Variants in ANO2 observed in about 807,000 individuals in gnomAD.
ANO2 encodes anoctamin 2, also known as anoctamin-2.
A neutral mutation model predicts 124.2 loss-of-function variants in ANO2; 101 were observed. The ratio of observed to expected loss-of-function variants is 0.81; its 90% CI spans 0.69 to 0.96. The LOEUF is 0.96. ANO2 is among the 40% of genes least tolerant of loss of function. ANO2 has a pLI of 0.00. For synonymous variants in ANO2, 486 were observed against 482.5 expected, an observed-to-expected ratio of 1.01 and a Z score of -0.09; for missense variants, 1,293 against 1,274.5, an observed-to-expected ratio of 1.01 and a Z score of -0.22.
intron 1 of ANO2, among the ~76,000 whole-genome samples, chr12:5,942,152 T>C (rs11063947): frequency 0.23 from 34,679 of 152,160 alleles, 4,427 homozygotes; most frequent in Middle Eastern, 0.33. Flanking sequence ...CTGCTCCAAA[T>C]AGACTACTAG....
intron 3 of ANO2, among the ~76,000 whole-genome samples, chr12:5,905,300 C>A (rs1018628717): frequency 1.3e-5 from 2 of 152,160 alleles, no homozygotes; most frequent in African/African-American, 4.8e-5. Context: ...GCTGGGATGA[C>A]CCTGATCAAG....
intron 3 of ANO2, chr12:5,858,800 T>TC (rs1386390626): frequency 6.6e-6 from 1 of 152,186 alleles, no homozygotes; most frequent in Non-Finnish European, 1.5e-5. Flanking sequence ...ATCTGAAACT[T>TC]CTTCTGTATT....
chr12:5,828,185 G>C (rs528211075), intron 6 of ANO2, among the ~76,000 whole-genome samples: 4 of 152,314 alleles, frequency 2.6e-5, no homozygotes, highest in South Asian at 4.1e-4. Flanking sequence ...CTGTGGAGTA[G>C]GGCACAGTGT....
chr12:5,818,591 G>C (rs2137195208), intron 7 of ANO2, among the ~76,000 whole-genome samples: 1 of 150,760 alleles, frequency 6.6e-6, no homozygotes, highest in South Asian at 2.1e-4. Flanking sequence ...TAGAGGAACA[G>C]AATATTAAGG....
At chr12:5,637,061 C>T (rs1946058837) in intron 15 of ANO2, among the ~76,000 whole-genome samples, 2 of 147,004 alleles carry the variant, frequency 1.4e-5, no homozygotes, top group Admixed American at 1.4e-4. Flanking sequence ...GGCCCCTCTT[C>T]TGCTGCAGGG....
At chr12:5,915,879 T>C (rs1173895385) in intron 3 of ANO2, among the ~76,000 whole-genome samples, 1 of 152,198 alleles carries the variant, frequency 6.6e-6, no homozygotes, top group Non-Finnish European at 1.5e-5. Context: ...TCATTCTCGA[T>C]CCTTTTTTTC....
At chr12:5,909,345 T>C (rs372060958) in intron 3 of ANO2, among the ~76,000 whole-genome samples, 30 of 152,282 alleles carry the variant, frequency 2.0e-4, no homozygotes, top group African/African-American at 6.7e-4. Flanking sequence ...TTGAGAAAAC[T>C]ATCTTTATTC....
At chr12:5,941,396 T>A (rs1012142370) in intron 1 of ANO2, among the ~76,000 whole-genome samples, 7 of 151,904 alleles carry the variant, frequency 4.6e-5, no homozygotes, top group African/African-American at 1.7e-4. Flanking sequence ...TAAAGATGGA[T>A]CCAACAAAAG....
chr12:5,839,892 C>T (rs917283214), intron 4 of ANO2, among the ~76,000 whole-genome samples: 1 of 152,118 alleles, frequency 6.6e-6, no homozygotes, highest in African/African-American at 2.4e-5. Flanking sequence ...CTTCTGGAGC[C>T]CTTTACTTCA....
intron 7 of ANO2, among the ~76,000 whole-genome samples, chr12:5,822,591 C>T (rs1046681506): frequency 6.6e-6 from 1 of 152,186 alleles, no homozygotes; most frequent in African/African-American, 2.4e-5. Context: ...GAGACCAACA[C>T]TGAGCCCTAA....
intron 14 of ANO2, among the ~76,000 whole-genome samples, chr12:5,669,376 T>C (rs1947881727): frequency 6.6e-6 from 1 of 152,118 alleles, no homozygotes; most frequent in African/African-American, 2.4e-5. Flanking sequence ...TTTGTGACTT[T>C]TGCACATTGA....
At chr12:5,595,229 C>T (rs1329299557) in intron 20 of ANO2, among the ~76,000 whole-genome samples, 1 of 152,058 alleles carries the variant, frequency 6.6e-6, no homozygotes, top group African/African-American at 2.4e-5. Flanking sequence ...GATGGGGTGT[C>T]ACTCTGTCAC....
chr12:5,695,513 C>A (rs976627124), intron 14 of ANO2, among the ~76,000 whole-genome samples: 1 of 152,218 alleles, frequency 6.6e-6, no homozygotes, highest in East Asian at 1.9e-4. Flanking sequence ...CTATCCACCC[C>A]TACATCAATA....
chr12:5,739,013 G>A (rs895876467), intron 13 of ANO2: 15 of 509,208 alleles, frequency 2.9e-5, no homozygotes, highest in African/African-American at 1.1e-4. Flanking sequence ...TCAAGATTAC[G>A]TCTTGCCTCT....
At chr12:5,739,426 C>T (rs1476790142) in intron 12 of ANO2, 27 bp from the exon 13 acceptor site, 3 of 1,561,284 alleles carry the variant, frequency 1.9e-6, no homozygotes, top group Non-Finnish European at 1.7e-6. Flanking sequence ...AGAACAAAAA[C>T]CTTGATTATT....
At chr12:5,874,761 G>A (rs760098983) in intron 3 of ANO2, among the ~76,000 whole-genome samples, 2 of 152,184 alleles carry the variant, frequency 1.3e-5, no homozygotes, top group Non-Finnish European at 2.9e-5. Context: ...GAAATCCAGA[G>A]AGCCTCCAAG....
At chr12:5,855,006 G>A (rs915957245) in intron 3 of ANO2, among the ~76,000 whole-genome samples, 3 of 143,806 alleles carry the variant, frequency 2.1e-5, no homozygotes, top group Non-Finnish European at 3.0e-5. Context: ...AATTAATTTT[G>A]TCACTAAAGA....
intron 20 of ANO2, among the ~76,000 whole-genome samples, chr12:5,588,227 T>C (rs1005319905): frequency 7.2e-6 from 1 of 139,312 alleles, no homozygotes; most frequent in Non-Finnish European, 1.6e-5. Context: ...CATTCCATCC[T>C]TCCATGTCAA....
At chr12:5,841,532 A>C (rs1275953331) in intron 4 of ANO2, among the ~76,000 whole-genome samples, 2 of 152,232 alleles carry the variant, frequency 1.3e-5, no homozygotes, top group African/African-American at 4.8e-5. Flanking sequence ...TTAAAATTAC[A>C]TGGCTGACAA....
Sources: allele counts gnomAD v4.1 joint callset (sites outside exome capture counted in the v4.1 genomes callset), GRCh38; gene constraint gnomAD v4.1.1; transcripts MANE v1.5; gene names NCBI Gene and HGNC (gene_info 2026-07-23, HGNC 2026-07-21).